PJA2: variants seen among roughly 807,000 people sequenced by gnomAD.
The protein encoded by PJA2 is praja ring finger ubiquitin ligase 2, also known as E3 ubiquitin-protein ligase Praja-2.
A neutral mutation model predicts 69.3 loss-of-function variants in PJA2; 25 were observed. That is an observed-to-expected ratio of 0.36 (90% confidence interval 0.26 to 0.50). The LOEUF is 0.50. Ranked by LOEUF, PJA2 falls within the 20% of genes least tolerant of loss-of-function variation. PJA2 has a pLI of 0.96. For missense variants in PJA2, 809 were observed against 830.2 expected (o/e 0.97, Z 0.31); for synonymous variants, 308 against 277.8 (o/e 1.11, Z -1.08).
intron 5 of PJA2, 98 bp downstream of exon 5, chr5:109,368,463 G>A: frequency 9.0e-7 from 1 of 1,114,806 alleles, no homozygotes; most frequent in Non-Finnish European, 1.3e-6. Flanking sequence ...TTCTACATAA[G>A]GCTTATAAAT....
At chr5:109,360,698 T>C (rs994605084) in intron 6 of PJA2, among the ~76,000 whole-genome samples, 1 of 152,088 alleles carries the variant, frequency 6.6e-6, no homozygotes, top group Non-Finnish European at 1.5e-5. Context: ...TTCTATAATT[T>C]AAAAAAAACT....
At chr5:109,340,645 TCCCCCTCCCCCTCCCCCTCCCC>T (rs1561338688) in intron 9 of PJA2, among the ~76,000 whole-genome samples, 5 of 386 alleles carry the variant, frequency 0.013, 1 homozygote, top group Non-Finnish European at 0.023. Context: ...CCCCTCCCCC[TCCCCCTCCCCCTCCCCCTCCCC>T]CTCCCTCTCC....
chr5:109,351,221 C>T (rs1323362668), intron 7 of PJA2, among the ~76,000 whole-genome samples: 1 of 151,968 alleles, frequency 6.6e-6, no homozygotes, highest in African/African-American at 2.4e-5. Context: ...ATAATAAACT[C>T]CTTCCATTCC....
At position 109,336,449 on chromosome 5, in the gene PJA2, T is replaced by C. The variant is rs1468228346; in HGVS notation, c.*782A>G. The C allele has an allele frequency of 6.6e-6, 1 of 152,126 alleles. No homozygotes were observed. The highest frequency in any genetic ancestry group is 2.4e-5 in the African/African-American group (1 of 41,410). 9.4% of individuals were successfully genotyped at this position (152,126 alleles called of 1,614,324 possible). ...TGTTCTGGGCCTTCAAGTATAATTT[T>C]AACCAAGGAGAAACAGGTTGGGTAA... is the stretch of plus-strand genomic sequence containing the variant. On this transcript the variant is annotated 3_prime_UTR_variant, in exon 10 of 10. Transcript: ENST00000361189.
At chr5:109,391,981 T>C (rs1747291823) in intron 1 of PJA2, among the ~76,000 whole-genome samples, 1 of 152,324 alleles carries the variant, frequency 6.6e-6, no homozygotes, top group African/African-American at 2.4e-5. Flanking sequence ...CCCATACTCA[T>C]TGGCTTGGAA....
At chr5:109,391,526 C>T (rs1175603630) in intron 1 of PJA2, among the ~76,000 whole-genome samples, 4 of 151,636 alleles carry the variant, frequency 2.6e-5, no homozygotes, top group African/African-American at 4.8e-5. Flanking sequence ...AGATGTACCC[C>T]TATTGTTTCC....
chr5:109,341,575 C>T (rs1762059745), intron 9 of PJA2, among the ~76,000 whole-genome samples: 1 of 138,030 alleles, frequency 7.2e-6, no homozygotes, highest in East Asian at 2.2e-4. Flanking sequence ...CCCGCCCGGC[C>T]AGCCGCCCCG....
intron 1 of PJA2, among the ~76,000 whole-genome samples, chr5:109,394,895 G>C (rs748565648): frequency 5.3e-4 from 80 of 152,126 alleles, no homozygotes; most frequent in Admixed American, 9.8e-4. Context: ...AAATAAAAAT[G>C]TCTTAACTCT....
intron 7 of PJA2, among the ~76,000 whole-genome samples, chr5:109,354,482 T>C (rs963556957): frequency 7.4e-6 from 1 of 135,804 alleles, no homozygotes; most frequent in Non-Finnish European, 1.6e-5. Context: ...TATCTATAGA[T>C]TAGATATCTA....
intron 4 of PJA2, among the ~76,000 whole-genome samples, chr5:109,369,173 T>C (rs1762632069): frequency 6.6e-6 from 1 of 152,250 alleles, no homozygotes; most frequent in African/African-American, 2.4e-5. Context: ...AAACCTCTTT[T>C]CTTTATAAAT....
chr5:109,399,771 CAG>C (rs912371243), intron 1 of PJA2, among the ~76,000 whole-genome samples: 4 of 152,098 alleles, frequency 2.6e-5, no homozygotes, highest in African/African-American at 9.7e-5. Context: ...CAACAACAAA[CAG>C]AACCAGATAA....
chr5:109,357,322 C>G (rs576144266), intron 6 of PJA2, among the ~76,000 whole-genome samples: 1 of 144,798 alleles, frequency 6.9e-6, no homozygotes, highest in South Asian at 2.1e-4. Flanking sequence ...GTTTTGATGT[C>G]AACCCATGTG....
chr5:109,383,121 A>T (rs373956491), intron 2 of PJA2, among the ~76,000 whole-genome samples: 1 of 152,176 alleles, frequency 6.6e-6, no homozygotes, highest in African/African-American at 2.4e-5. Context: ...CAAAAGTATG[A>T]CTCCAGAACC....
intron 1 of PJA2, among the ~76,000 whole-genome samples, chr5:109,407,221 T>C (rs922618881): frequency 6.6e-6 from 1 of 152,176 alleles, no homozygotes; most frequent in African/African-American, 2.4e-5. Flanking sequence ...CTCAATAAGG[T>C]TGATTTTCTA....
intron 1 of PJA2, among the ~76,000 whole-genome samples, chr5:109,397,654 G>T (rs1450350950): frequency 1.3e-5 from 2 of 151,058 alleles, no homozygotes; most frequent in African/African-American, 4.9e-5. Context: ...AAGCAGCTGG[G>T]ATTACAGGCA....
At chr5:109,347,194 C>A (rs150010991) in intron 7 of PJA2, among the ~76,000 whole-genome samples, 1 of 152,364 alleles carries the variant, frequency 6.6e-6, no homozygotes, top group African/African-American at 2.4e-5. Context: ...AAACACTGTT[C>A]CAGTAATTGA....
At chr5:109,344,100 C>T in intron 9 of PJA2, 90 bp downstream of exon 9, 1 of 394,172 alleles carries the variant, frequency 2.5e-6, no homozygotes, top group Non-Finnish European at 3.5e-6. Context: ...TTTGTCTCAC[C>T]AAAAAAAAAA....
chr5:109,389,602 C>A (rs975973132), intron 1 of PJA2, among the ~76,000 whole-genome samples: 1 of 151,876 alleles, frequency 6.6e-6, no homozygotes, highest in African/African-American at 2.4e-5. Context: ...GTAAAACTTT[C>A]CTGTTTCATT....
At chr5:109,370,240 ATC>A (rs1762654234) in intron 4 of PJA2, among the ~76,000 whole-genome samples, 1 of 152,094 alleles carries the variant, frequency 6.6e-6, no homozygotes, top group African/African-American at 2.4e-5. Flanking sequence ...CTCCTCAAAG[ATC>A]TCTCTACGTT....
Sources: allele counts gnomAD v4.1 joint callset (sites outside exome capture counted in the v4.1 genomes callset), GRCh38; gene constraint gnomAD v4.1.1; transcripts MANE v1.5; gene names NCBI Gene and HGNC (gene_info 2026-07-23, HGNC 2026-07-21).